HIPK2: variants seen among roughly 807,000 people sequenced by gnomAD.
HIPK2 encodes the protein homeodomain interacting protein kinase 2, also known as homeodomain-interacting protein kinase 2.
Under a neutral mutation model 113.7 loss-of-function variants are expected in HIPK2, and 27 were observed. The observed-to-expected ratio is 0.24, with a 90% CI of 0.17 to 0.33. The LOEUF (loss-of-function observed/expected upper bound fraction) is 0.33, where lower values mean the gene tolerates loss of function less well. Among genes scored for constraint, HIPK2 ranks in the 10% least tolerant of loss-of-function variants. The pLI is 1.00. For synonymous variants in HIPK2, 631 were observed against 642.2 expected (o/e 0.98, Z 0.26); for missense variants, 1,257 against 1,588.0 (o/e 0.79, Z 3.54).
At position 139,716,794 on chromosome 7, in the gene HIPK2, C is replaced by T. The variant is rs778994427; in HGVS notation, c.241G>A (p.Glu81Lys). Residue 81 changes from glutamate to lysine, a missense_variant, in exon 2 of 15, where the codon GAG (glutamate) becomes AAG (lysine). By Grantham distance (56) the Glu-to-Lys change is moderately conservative. This residue lies in a region of HIPK2 where 209 missense variants were observed against 237.8 expected (regional missense o/e 0.88). Coordinates refer to ENST00000406875, the MANE Select transcript of HIPK2 (RefSeq NM_022740.5). This position sits in a 1 kb window ranked among gnomAD's most constrained non-coding sequence, Gnocchi z 9.3. Reference protein sequence around the residue: ...LPVPNPSLPYEQTIVFPGSTG... With the variant: ...LPVPNPSLPYKQTIVFPGSTG... ...CTTCCTGGGAAGACGATGGTCTGCT[C>T]GTAAGGTAGGCTTGGGTTTGGGACC... The T allele has an allele frequency of 1.5e-5, 24 of 1,613,672 alleles. No homozygotes were observed. The highest frequency in any genetic ancestry group is 1.8e-5 in the Non-Finnish European group (21 of 1,179,860).
At chr7:139,692,452 A>G (rs1264039774) in intron 2 of HIPK2, among the ~76,000 whole-genome samples, 3 of 152,180 alleles carry the variant, frequency 2.0e-5, no homozygotes, top group African/African-American at 7.2e-5. Flanking sequence ...ATGTTCCCAC[A>G]TCCTAGACTT....
intron 14 of HIPK2, among the ~76,000 whole-genome samples, chr7:139,573,636 G>A (rs1019260131): frequency 1.3e-5 from 2 of 152,102 alleles, no homozygotes; most frequent in African/African-American, 2.4e-5. Flanking sequence ...GAGGTCTAGA[G>A]TTCGAGACCA....
At position 139,572,764 on chromosome 7, in the gene HIPK2, G is replaced by GCCCCCCCCCCCCCCCCCCCCCCCCC. The variant is rs71170903; in HGVS notation, c.*162_*163insGGGGGGGGGGGGGGGGGGGGGGGGG. On this transcript the variant is annotated 3_prime_UTR_variant, in exon 15 of 15. Coordinates refer to ENST00000406875, the MANE Select transcript of HIPK2 (RefSeq NM_022740.5). ...GTCCCGACCCGTCCCCCTGCCCTCT[G>GCCCCCCCCCCCCCCCCCCCCCCCCC]CCCCCCCCCCCCCCCCCGCCCCTGC... 3 of 29,328 alleles carry GCCCCCCCCCCCCCCCCCCCCCCCCC rather than the reference G, an allele frequency of 1.0e-4. 1 individual carries two copies. The highest frequency in any genetic ancestry group is 1.3e-4 in the Non-Finnish European group (2 of 15,560). 1.8% of individuals were successfully genotyped at this position (29,328 alleles called of 1,614,324 possible). A position where few individuals can be genotyped will look rare whatever the true frequency, so the allele number is the denominator to read the frequency against.
intron 2 of HIPK2, among the ~76,000 whole-genome samples, chr7:139,686,753 C>T (rs527975738): frequency 8.1e-4 from 123 of 152,272 alleles, no homozygotes; most frequent in African/African-American, 2.7e-3. Context: ...TTCATAGCAG[C>T]GTGAGAACAG....
intron 2 of HIPK2, among the ~76,000 whole-genome samples, chr7:139,645,848 C>A (rs112926946): frequency 3.9e-4 from 60 of 152,150 alleles, no homozygotes; most frequent in Admixed American, 3.9e-3. Flanking sequence ...TGCTGTGGTC[C>A]GGACAAGAGC....
At position 139,561,761 on chromosome 7, in the gene HIPK2, C is replaced by T. The variant is rs537145217; in HGVS notation, c.*11166G>A. ...TAGTTCACCACAATGGGACCCCCCC[C>T]CCTTTTTCTCACCCTACAGTTAGTA... On this transcript the variant is annotated 3_prime_UTR_variant, in exon 15 of 15. Transcript: ENST00000406875. 13 of 151,394 alleles carry T rather than the reference C, an allele frequency of 8.6e-5. No individual in the cohort carries two copies. The highest frequency in any genetic ancestry group is 3.1e-4 in the African/African-American group (13 of 41,316). 9.4% of individuals were successfully genotyped at this position (151,394 alleles called of 1,614,324 possible). A position where few individuals can be genotyped will look rare whatever the true frequency, so the allele number is the denominator to read the frequency against.
rs895687598 is a variant in HIPK2, at chr7:139,713,342, G to A, written c.1103+2590C>T. Among the ~76,000 whole-genome samples, 32 of 152,184 alleles carry A rather than the reference G, an allele frequency of 2.1e-4. 1 individual carries two copies. Among genetic ancestry groups the A allele is most frequent in the Non-Finnish European group, 4.3e-4 (29 of 68,018 alleles). The stretch of plus-strand genomic sequence containing the variant: ...TCACAGGCAAACTTTTACTGCTGCC[G>A]CAGGCTTCCTGAGCTAGGATCCCCG... On this transcript the variant is annotated intron_variant, in intron 2 of 14. Coordinates refer to ENST00000406875, the MANE Select transcript of HIPK2 (RefSeq NM_022740.5).
At chr7:139,763,755 T>C (rs970120056) in intron 1 of HIPK2, among the ~76,000 whole-genome samples, 2 of 152,170 alleles carry the variant, frequency 1.3e-5, no homozygotes, top group Non-Finnish European at 2.9e-5. Flanking sequence ...AACCCCAAAG[T>C]CAATACTCAG....
chr7:139,653,608 C>T (rs1801543680), intron 2 of HIPK2, among the ~76,000 whole-genome samples: 1 of 151,938 alleles, frequency 6.6e-6, no homozygotes, highest in East Asian at 1.9e-4. Flanking sequence ...CTGGGATTAC[C>T]TGACCTGGTG....
chr7:139,724,780 T>A (rs1795521411), intron 1 of HIPK2, among the ~76,000 whole-genome samples: 1 of 148,400 alleles, frequency 6.7e-6, no homozygotes, highest in South Asian at 2.2e-4. Flanking sequence ...GAACATGCGG[T>A]GTTTGGTTTT....
rs369061123 is a variant in HIPK2, at chr7:139,717,739, G to T, written c.20-724C>A. Among the ~76,000 whole-genome samples, 1,262 of 147,270 alleles carry T rather than the reference G, an allele frequency of 8.6e-3. 16 individuals are homozygous for T. Among genetic ancestry groups the T allele is most frequent in the African/African-American group, 0.03 (1,165 of 38,664 alleles). ...GTACTATTTCTTTTTGTTTTTTTTT[G>T]TTTGTTTGTTTGTTTTTGTTTTGAG... is the stretch of plus-strand genomic sequence containing the variant. On this transcript the variant is annotated intron_variant, in intron 1 of 14. Transcript: ENST00000406875.
intron 2 of HIPK2, among the ~76,000 whole-genome samples, chr7:139,633,397 C>T (rs892799864): frequency 2.6e-5 from 4 of 152,132 alleles, no homozygotes; most frequent in Admixed American, 2.6e-4. Context: ...AAAGTACCTC[C>T]TCTTCCCCCT....
intron 2 of HIPK2, among the ~76,000 whole-genome samples, chr7:139,647,831 A>G (rs1296565286): frequency 6.6e-6 from 1 of 152,258 alleles, no homozygotes; most frequent in Non-Finnish European, 1.5e-5. Context: ...TGAACAGCTT[A>G]GTTTCTTTTT....
At chr7:139,699,482 C>T (rs1794650132) in intron 2 of HIPK2, among the ~76,000 whole-genome samples, 1 of 152,266 alleles carries the variant, frequency 6.6e-6, no homozygotes. Flanking sequence ...ATGTACCTGC[C>T]ATCCACAGCC....
intron 2 of HIPK2, among the ~76,000 whole-genome samples, chr7:139,633,790 C>G (rs1800705913): frequency 6.6e-6 from 1 of 151,760 alleles, no homozygotes. Context: ...ACTAAAAATA[C>G]AAAAATTAGC....
At chr7:139,608,072 C>T (rs1350443422) in intron 9 of HIPK2, among the ~76,000 whole-genome samples, 1 of 151,766 alleles carries the variant, frequency 6.6e-6, no homozygotes, top group Non-Finnish European at 1.5e-5. Flanking sequence ...AACCTAGTCT[C>T]TACTAAAAAT....
At chr7:139,770,887 T>G (rs1201599407) in intron 1 of HIPK2, among the ~76,000 whole-genome samples, 1 of 152,244 alleles carries the variant, frequency 6.6e-6, no homozygotes, top group African/African-American at 2.4e-5. Context: ...CAGAAATAAG[T>G]AGCTATAAAA....
chr7:139,622,025 G>T (rs1800252817), intron 6 of HIPK2, among the ~76,000 whole-genome samples: 1 of 151,706 alleles, frequency 6.6e-6, no homozygotes, highest in Admixed American at 6.6e-5. Context: ...ATAACTGAAT[G>T]AGTAAAATAA....
intron 1 of HIPK2, among the ~76,000 whole-genome samples, chr7:139,763,759 TA>T (rs1262107191): frequency 6.6e-6 from 1 of 152,210 alleles, no homozygotes; most frequent in Non-Finnish European, 1.5e-5. Context: ...CCAAAGTCAA[TA>T]CTCAGAGCAC....
Sources: gnomAD v4.1 joint callset for allele counts (sites outside exome capture counted in the v4.1 genomes callset) on GRCh38, gnomAD v4.1.1 for gene constraint, gnomAD v4.1.1 regional missense constraint, Gnocchi (gnomAD v3.1) non-coding constraint, MANE v1.5 for transcripts, NCBI Gene and HGNC (gene_info 2026-07-23, HGNC 2026-07-21) for gene names.